Variants in BCKDHB observed in about 807,000 individuals in gnomAD.
BCKDHB encodes the protein 2-oxoisovalerate dehydrogenase subunit beta, mitochondrial.
A neutral mutation model predicts 48.5 loss-of-function variants in BCKDHB; 41 were observed. The ratio of observed to expected loss-of-function variants is 0.85; its 90% CI spans 0.66 to 1.10. The LOEUF (loss-of-function observed/expected upper bound fraction) is 1.10. Ranked by LOEUF, BCKDHB falls within the 50% of genes least tolerant of loss-of-function variation. The pLI, the probability that BCKDHB is intolerant of heterozygous loss-of-function variation, is 0.00. For synonymous variants in BCKDHB, 201 were observed against 174.8 expected (o/e 1.15, Z -1.18); for missense variants, 496 against 494.2 (o/e 1.00, Z -0.03).
At chr6:80,121,968 G>A (rs1770048429) in intron 1 of BCKDHB, among the ~76,000 whole-genome samples, 1 of 152,152 alleles carries the variant, frequency 6.6e-6, no homozygotes, top group South Asian at 2.1e-4. Flanking sequence ...TGCCAATTTA[G>A]TATGATATCG....
At chr6:80,226,414 G>C (rs897476735) in intron 8 of BCKDHB, among the ~76,000 whole-genome samples, 1 of 152,196 alleles carries the variant, frequency 6.6e-6, no homozygotes, top group Admixed American at 6.5e-5. Context: ...TCTTGAGAGA[G>C]AGCATGCATT....
chr6:80,229,410 A>G (rs2127881958), intron 8 of BCKDHB, among the ~76,000 whole-genome samples: 1 of 152,310 alleles, frequency 6.6e-6, no homozygotes, highest in Middle Eastern at 3.4e-3. Flanking sequence ...AGCATGTGCA[A>G]AAGGCCTGAG....
In BCKDHB at chr6:80,141,317, G is replaced by A. The variant is rs143971084; in HGVS notation, c.343+12088G>A. The stretch of plus-strand genomic sequence containing the variant: ...GGAATTCTAATGAAACAAAGGTCAT[G>A]GGTTTTGATTAGTCATGAAATAAGA... On this transcript the variant is annotated intron_variant, in intron 3 of 9. Transcript: ENST00000320393. Among the ~76,000 whole-genome samples, 265 of 152,184 alleles carry A rather than the reference G, an allele frequency of 1.7e-3. 1 individual carries two copies. The highest frequency in any genetic ancestry group is 6.0e-3 in the African/African-American group (251 of 41,540).
the BCKDHB span, among the ~76,000 whole-genome samples, chr6:80,364,545 G>A: frequency 1.8e-3 from 280 of 152,270 alleles, 3 homozygotes; most frequent in Non-Finnish European, 4.0e-4. Context: ...TAAGTAAAAC[G>A]TATTCATTAG....
At chr6:80,226,170 T>C (rs953666235) in intron 8 of BCKDHB, among the ~76,000 whole-genome samples, 1 of 152,234 alleles carries the variant, frequency 6.6e-6, no homozygotes, top group African/African-American at 2.4e-5. Flanking sequence ...ATGTTAACAT[T>C]TCACTGCATT....
chr6:80,169,318 TC>T lies in BCKDHB; in HGVS notation c.633+292del, dbSNP rs1772773274. Among the ~76,000 whole-genome samples, 3 of 152,226 alleles carry T rather than the reference TC, an allele frequency of 2.0e-5. 1 individual carries two copies. In the South Asian group the frequency reaches 6.2e-4, roughly 31 times the overall value. On this transcript the variant is annotated intron_variant, in intron 5 of 9. Coordinates refer to ENST00000320393, the MANE Select transcript of BCKDHB (RefSeq NM_183050.4). ...AGACCAAGAACATAGTTGGTTTACC[TC>T]CCCTCTCTTTCAAAGCTTTATATTT...
chr6:80,359,237 C>G, the BCKDHB span, among the ~76,000 whole-genome samples: 1 of 152,320 alleles, frequency 6.6e-6, no homozygotes, highest in African/African-American at 2.4e-5. Context: ...TGGTCCCTCA[C>G]TGAGCAGGTA....
chr6:80,381,992 A>G, the BCKDHB span, among the ~76,000 whole-genome samples: 6 of 152,062 alleles, frequency 3.9e-5, no homozygotes, highest in Non-Finnish European at 7.4e-5. Flanking sequence ...ATACAATGTA[A>G]TTTCTGGTAA....
the BCKDHB span, among the ~76,000 whole-genome samples, chr6:80,377,451 T>C: frequency 3.9e-5 from 6 of 152,172 alleles, no homozygotes; most frequent in African/African-American, 1.4e-4. Context: ...TATCCCTATG[T>C]TTTCTTCTAA....
intron 3 of BCKDHB, among the ~76,000 whole-genome samples, chr6:80,155,442 C>G (rs1484646034): frequency 6.6e-6 from 1 of 152,086 alleles, no homozygotes; most frequent in African/African-American, 2.4e-5. Context: ...ATTGTTGATT[C>G]GGGTATCAAG....
At chr6:80,405,021 A>G in the BCKDHB span, among the ~76,000 whole-genome samples, 1 of 152,008 alleles carries the variant, frequency 6.6e-6, no homozygotes, top group Non-Finnish European at 1.5e-5. Flanking sequence ...CTTCTGTTGG[A>G]TGGACTGTTC....
intron 8 of BCKDHB, among the ~76,000 whole-genome samples, chr6:80,215,749 CT>C (rs1775141901): frequency 6.6e-6 from 1 of 151,884 alleles, no homozygotes; most frequent in South Asian, 2.1e-4. Flanking sequence ...TATATATATA[CT>C]TTTTGTTTTT....
chr6:80,294,019 A>G (rs1335465827), intron 9 of BCKDHB, among the ~76,000 whole-genome samples: 1 of 152,162 alleles, frequency 6.6e-6, no homozygotes, highest in Non-Finnish European at 1.5e-5. Context: ...GGAAGTTTCA[A>G]ACTTTCCCAC....
chr6:80,239,520 A>G (rs889952544), intron 8 of BCKDHB, among the ~76,000 whole-genome samples: 6 of 152,156 alleles, frequency 3.9e-5, no homozygotes, highest in Admixed American at 3.9e-4. Flanking sequence ...TCAGATGAGT[A>G]GATTGCAAAA....
rs561940940 is a variant in BCKDHB at position 80,201,041 on chromosome 6, A to G, written c.840+10A>G. ...TGCCTGGGGCACTCAGGTGAGTAGC[A>G]TTGATCCCAACTGTTAAAACCTACG... On this transcript the variant is annotated intron_variant, in intron 7 of 9. Transcript: ENST00000320393. 52 of 1,581,984 alleles carry G rather than the reference A, an allele frequency of 3.3e-5. No homozygotes were observed. The South Asian group carries it at 4.9e-4, about 15-fold the overall frequency.
intron 9 of BCKDHB, among the ~76,000 whole-genome samples, chr6:80,327,152 A>G (rs74538379): frequency 0.022 from 3,322 of 152,332 alleles, 63 homozygotes; most frequent in Non-Finnish European, 0.034. Flanking sequence ...GTTACCTTCC[A>G]GTAGACTCAT....
At chr6:80,325,090 T>C (rs1768965885) in intron 9 of BCKDHB, among the ~76,000 whole-genome samples, 1 of 152,202 alleles carries the variant, frequency 6.6e-6, no homozygotes, top group Admixed American at 6.5e-5. Flanking sequence ...AAGTACTATA[T>C]AGTACTGATA....
At chr6:80,314,909 C>T (rs1403873446) in intron 9 of BCKDHB, among the ~76,000 whole-genome samples, 1 of 152,174 alleles carries the variant, frequency 6.6e-6, no homozygotes, top group Non-Finnish European at 1.5e-5. Flanking sequence ...TGCGGCGGGA[C>T]TCGCTGCTCA....
At chr6:80,399,618 A>G in the BCKDHB span, among the ~76,000 whole-genome samples, 2 of 152,290 alleles carry the variant, frequency 1.3e-5, no homozygotes, top group South Asian at 4.1e-4. Context: ...AGTATAAAAC[A>G]TTCCATGCTC....
Sources: gnomAD v4.1 joint callset for allele counts (sites outside exome capture counted in the v4.1 genomes callset) on GRCh38, gnomAD v4.1.1 for gene constraint, MANE v1.5 for transcripts, NCBI Gene and HGNC (gene_info 2026-07-23, HGNC 2026-07-21) for gene names.